The following SBNO2 variants were observed in gnomAD, a reference collection of about 807,000 sequenced individuals.
SBNO2 encodes the protein protein strawberry notch homolog 2.
Under a neutral mutation model 146.3 loss-of-function variants are expected in SBNO2, and 89 were observed. The observed-to-expected ratio is 0.61, with a 90% CI of 0.51 to 0.73. The LOEUF is 0.73. Ranked by LOEUF, SBNO2 falls within the 30% of genes least tolerant of loss-of-function variation. The probability of loss-of-function intolerance (pLI) is 0.00; values close to 1 mark genes in which losing one functional copy is unlikely to be tolerated. For synonymous variants in SBNO2, 1,147 were observed against 892.6 expected, an observed-to-expected ratio of 1.29 and a Z score of -5.08; for missense variants, 2,092 against 2,003.7, an observed-to-expected ratio of 1.04 and a Z score of -0.84.
rs748540310 is a variant in SBNO2, at chr19:1,108,761, C to T, written c.3616+18G>A. ...GCTGGGGGCTCGGGCCTTCCCGGGG[C>T]GCCCGCCGCCCACTCACCCACTTGC... is the stretch of plus-strand genomic sequence containing the variant. On this transcript the variant is annotated intron_variant, in intron 31 of 31. Transcript: ENST00000361757. 1.9e-5 allele frequency: 30 copies of T among 1,596,466 alleles called. No individual in the cohort carries two copies. The highest frequency in any genetic ancestry group is 4.5e-5 in the East Asian group (2 of 44,504).
intron 1 of SBNO2, among the ~76,000 whole-genome samples, chr19:1,170,109 G>A (rs1480147291): frequency 2.0e-5 from 3 of 152,330 alleles, no homozygotes; most frequent in African/African-American, 7.2e-5. Context: ...GCACGTCTCC[G>A]CAGAGCATCC....
chr19:1,152,942 C>T (rs867544616), intron 2 of SBNO2, among the ~76,000 whole-genome samples: 3 of 152,142 alleles, frequency 2.0e-5, no homozygotes, highest in South Asian at 2.1e-4. Context: ...CAACTGAGCC[C>T]GGGAGTTTGA....
chr19:1,109,837 G>A lies in SBNO2; in HGVS notation c.3029-60C>T. The A allele has an allele frequency of 2.3e-6, 3 of 1,320,344 alleles. No individual in the cohort carries two copies. Among genetic ancestry groups the A allele is most frequent in the Non-Finnish European group, 3.2e-6 (3 of 949,064 alleles). 81.8% of individuals were successfully genotyped at this position (1,320,344 alleles called of 1,614,324 possible). A position where few individuals can be genotyped will look rare whatever the true frequency, so the allele number is the denominator to read the frequency against. ...GCCTGGGACTGTGGGCTGGGGCCAG[G>A]GTCAGTCCCGTAGCCGGGGCGCACC... On this transcript the variant is annotated intron_variant, in intron 26 of 31. Coordinates refer to ENST00000361757, the MANE Select transcript of SBNO2 (RefSeq NM_014963.3). This position sits in a 1 kb window ranked among gnomAD's most constrained non-coding sequence, Gnocchi z 4.2.
Position 1,109,332 on chromosome 19 carries a change from T to G in SBNO2, c.3308A>C (p.Gln1103Pro), listed in dbSNP as rs1322050844. The G allele has an allele frequency of 6.3e-7, 1 of 1,595,660 alleles. No homozygotes were observed. Among genetic ancestry groups the G allele is most frequent in the Non-Finnish European group, 8.5e-7 (1 of 1,172,322 alleles). The part of the protein sequence containing the change: ...VYKPNIGRQS[Q>P]LEALDSLRRK... ...GCGGAGGCTGTCCAGGGCCTCCAGC[T>G]GGCTCTGCCGGCCGATGTTGGGCTT... Residue 1103 changes from glutamine (Q) to proline (P), a missense_variant, in exon 29 of 32, where the codon CAG (glutamine) becomes CCG (proline). Transcript: ENST00000361757. This position sits in a 1 kb window ranked among gnomAD's most constrained non-coding sequence, Gnocchi z 4.2.
chr19:1,108,230 G>A lies in SBNO2; in HGVS notation c.4091C>T (p.Ala1364Val), dbSNP rs753053498. Residue 1364 changes from alanine to valine, a missense_variant, in exon 32 of 32, where the codon GCT becomes GTT. Physicochemically the swap from Ala to Val is moderately conservative, Grantham distance 64. Transcript: ENST00000361757. ...QFSPPFPGAQ[A>V]PL The stretch of plus-strand genomic sequence containing the variant: ...TCGCCTAAAGGCGTGTCAGAGAGGA[G>A]CCTGGGCGCCGGGGAAGGGTGGGCT... The A allele has an allele frequency of 2.9e-5, 44 of 1,527,346 alleles. No individual in the cohort carries two copies. In the Middle Eastern group the frequency reaches 1.1e-3, roughly 37 times the overall value. 94.6% of individuals were successfully genotyped at this position (1,527,346 alleles called of 1,614,324 possible). A position where few individuals can be genotyped will look rare whatever the true frequency, so the allele number is the denominator to read the frequency against.
At position 1,110,116 on chromosome 19, in the gene SBNO2, T is replaced by C. The variant is rs966825809; in HGVS notation, c.3029-339A>G. Among the ~76,000 whole-genome samples, 7 of 149,778 alleles carry C rather than the reference T, an allele frequency of 4.7e-5. No homozygotes were observed. Among genetic ancestry groups the C allele is most frequent in the South Asian group, 2.1e-4 (1 of 4,712 alleles). ...TAACCCCAAGCAGGCTGTGAGGAGA[T>C]TGTAGGAGCCTGGGGGCTGCTCAGG... On this transcript the variant is annotated intron_variant, in intron 26 of 31. Coordinates refer to ENST00000361757, the MANE Select transcript of SBNO2 (RefSeq NM_014963.3). The surrounding 1 kb of genome is among the most constrained non-coding windows in gnomAD (Gnocchi z 4.9).
chr19:1,172,388 G>A (rs2080486529), intron 1 of SBNO2, among the ~76,000 whole-genome samples: 2 of 152,166 alleles, frequency 1.3e-5, no homozygotes, highest in African/African-American at 4.8e-5. Flanking sequence ...ATCACCCCAC[G>A]ACCAGGGTCA....
chr19:1,109,294 G>C lies in SBNO2; in HGVS notation c.3346C>G (p.Arg1116Gly). 1 of 1,593,928 alleles carries C rather than the reference G, an allele frequency of 6.3e-7. No homozygotes were observed. The highest frequency in any genetic ancestry group is 8.5e-7 in the Non-Finnish European group (1 of 1,171,272). Residue 1116 changes from arginine to glycine, a missense_variant and splice_region_variant, in exon 29 of 32, where the codon CGG becomes GGG. Transcript: ENST00000361757. This position sits in a 1 kb window ranked among gnomAD's most constrained non-coding sequence, Gnocchi z 4.2. ...ALDSLRRKFH[R>G]VTAEEAKEPW... ...AGCTGCGCCCGGCGGCCGCCTACCCGGTGGAACTTGCGGCGGAGGCTGTCC... is the reference window on the plus strand; with the variant it reads ...AGCTGCGCCCGGCGGCCGCCTACCCCGTGGAACTTGCGGCGGAGGCTGTCC...
chr19:1,132,977 G>A (rs886990), intron 4 of SBNO2, among the ~76,000 whole-genome samples: 66,754 of 152,166 alleles, frequency 0.44, 15,675 homozygotes, highest in African/African-American at 0.62. Context: ...CGGGCCGCGA[G>A]CCCGCCCGCG....
chr19:1,137,182 TG>T (rs1568602270), intron 4 of SBNO2, among the ~76,000 whole-genome samples: 1 of 77,250 alleles, frequency 1.3e-5, no homozygotes, highest in African/African-American at 5.5e-5. Flanking sequence ...AGGCTTGGGC[TG>T]GGGTGCGGTT....
chr19:1,159,362 C>T (rs2080321838), intron 1 of SBNO2, among the ~76,000 whole-genome samples: 1 of 150,108 alleles, frequency 6.7e-6, no homozygotes, highest in African/African-American at 2.5e-5. Context: ...CTTCGTCCCT[C>T]AACATGGAGC....
At chr19:1,142,160 C>T in intron 4 of SBNO2, among the ~76,000 whole-genome samples, 1 of 4,312 alleles carries the variant, frequency 2.3e-4, no homozygotes, top group South Asian at 8.9e-3. Flanking sequence ...GATCAATCCT[C>T]ACTCAATGAC....
At chr19:1,152,058 C>T (rs1175562551) in intron 2 of SBNO2, among the ~76,000 whole-genome samples, 1 of 152,218 alleles carries the variant, frequency 6.6e-6, no homozygotes, top group African/African-American at 2.4e-5. Flanking sequence ...GTGTCCATGA[C>T]GTACCCGAAT....
chr19:1,152,851 C>T (rs903784404), intron 2 of SBNO2, among the ~76,000 whole-genome samples: 1 of 152,154 alleles, frequency 6.6e-6, no homozygotes, highest in Non-Finnish European at 1.5e-5. Flanking sequence ...CCCTCTGTCT[C>T]CAGGTAAATC....
At chr19:1,161,543 G>A (rs2080345332) in intron 1 of SBNO2, among the ~76,000 whole-genome samples, 1 of 105,884 alleles carries the variant, frequency 9.4e-6, no homozygotes, top group Non-Finnish European at 2.0e-5. Context: ...CTGGGGGGGT[G>A]GAAGTGGGGG....
intron 4 of SBNO2, chr19:1,131,988 A>AT (rs2080034077): frequency 1.2e-6 from 1 of 824,484 alleles, no homozygotes; most frequent in South Asian, 2.0e-5. Context: ...CTAGGATGAG[A>AT]TGCCGGCTGC....
chr19:1,138,117 GGTGGGGGGAGGCTCGGGCTGGGGTGCA>G (rs2080100952), intron 4 of SBNO2, among the ~76,000 whole-genome samples: 1 of 13,522 alleles, frequency 7.4e-5, no homozygotes, highest in East Asian at 2.7e-3. Context: ...GCTGGGGTGC[GGTGGGGGGAGGCTCGGGCTGGGGTGCA>G]GTGGGGGGAG....
chr19:1,114,511 G>A, intron 17 of SBNO2, 89 bp from the exon 18 acceptor site: 7 of 1,165,860 alleles, frequency 6.0e-6, no homozygotes, highest in Non-Finnish European at 8.2e-6. Flanking sequence ...AGCAAGGCCA[G>A]TGGTCCGAGC....
At position 1,144,537 on chromosome 19, in the gene SBNO2, C is replaced by A. The variant is rs950290066; in HGVS notation, c.279+2772G>T. Among the ~76,000 whole-genome samples, 3 of 151,872 alleles carry A rather than the reference C, an allele frequency of 2.0e-5. No homozygotes were observed. The highest frequency in any genetic ancestry group is 7.3e-5 in the African/African-American group (3 of 41,330). ...CATGAGACAGAGATGGAGACGGAGACAGAGACAGAGACATGGAGAGAGACA... is the reference window on the plus strand; with the variant it reads ...CATGAGACAGAGATGGAGACGGAGAAAGAGACAGAGACATGGAGAGAGACA... On this transcript the variant is annotated intron_variant, in intron 4 of 31. Coordinates refer to ENST00000361757, the MANE Select transcript of SBNO2 (RefSeq NM_014963.3). This position sits in a 1 kb window ranked among gnomAD's most constrained non-coding sequence, Gnocchi z 4.1.
Sources: gnomAD v4.1 joint callset for allele counts (sites outside exome capture counted in the v4.1 genomes callset) on GRCh38, gnomAD v4.1.1 for gene constraint, Gnocchi (gnomAD v3.1) non-coding constraint, MANE v1.5 for transcripts, NCBI Gene and HGNC (gene_info 2026-07-23, HGNC 2026-07-21) for gene names.